The following ADAMTS6 variants were observed in gnomAD, a reference collection of about 807,000 sequenced individuals.
The protein encoded by ADAMTS6 is A disintegrin and metalloproteinase with thrombospondin motifs 6.
A neutral mutation model predicts 144.3 loss-of-function variants in ADAMTS6; 23 were observed. The ratio of observed to expected loss-of-function variants is 0.16; its 90% CI spans 0.11 to 0.23. The LOEUF (loss-of-function observed/expected upper bound fraction) is 0.23, where lower values mean the gene tolerates loss of function less well. ADAMTS6 is among the 10% of genes least tolerant of loss of function. The pLI is 1.00. For missense variants in ADAMTS6, 999 were observed against 1,379.6 expected (o/e 0.72, Z 4.37); for synonymous variants, 444 against 457.5 (o/e 0.97, Z 0.38).
chr5:65,386,644 G>A (rs948008622), intron 7 of ADAMTS6, among the ~76,000 whole-genome samples: 5 of 152,178 alleles, frequency 3.3e-5, no homozygotes, highest in African/African-American at 1.2e-4. Flanking sequence ...CCAGAGTGCA[G>A]TGGCCTGACC....
At chr5:65,462,779 A>C (rs1158839056) in intron 3 of ADAMTS6, among the ~76,000 whole-genome samples, 1 of 152,156 alleles carries the variant, frequency 6.6e-6, no homozygotes, top group Non-Finnish European at 1.5e-5. Flanking sequence ...TTTTGGTGGG[A>C]GGAGCTAGAA....
chr5:65,275,068 A>G (rs1004557168), intron 11 of ADAMTS6, among the ~76,000 whole-genome samples: 3 of 151,782 alleles, frequency 2.0e-5, no homozygotes, highest in African/African-American at 7.3e-5. Context: ...AGAAAAGAAG[A>G]GCATGGGCCA....
chr5:65,402,725 C>G (rs1465662434), intron 7 of ADAMTS6, among the ~76,000 whole-genome samples: 1 of 152,012 alleles, frequency 6.6e-6, no homozygotes, highest in African/African-American at 2.4e-5. Context: ...GATCCCTTCC[C>G]TTTAAGTCTT....
chr5:65,170,709 T>C lies in ADAMTS6; in HGVS notation c.3152A>G (p.Gln1051Arg). The C allele has an allele frequency of 6.2e-7, 1 of 1,614,178 alleles. No homozygotes were observed. The highest frequency in any genetic ancestry group is 8.5e-7 in the Non-Finnish European group (1 of 1,180,012). Residue 1051 changes from glutamine (Q) to arginine (R), a missense_variant, in exon 24 of 25, where the codon CAG becomes CGG. This residue lies in a region of ADAMTS6 where 619 missense variants were observed against 837.0 expected (regional missense o/e 0.74). Transcript: ENST00000381055. ...AGTTTCTAGACAGTCACTAGATGCC[T>C]GTCCGGTGTAGGAGAGACACTGCAC... Reference protein sequence around the residue: ...RTVQCLSYTGQASSDCLETVR... With the variant: ...RTVQCLSYTGRASSDCLETVR...
At chr5:65,217,425 G>C (rs1757010695) in intron 18 of ADAMTS6, among the ~76,000 whole-genome samples, 1 of 150,804 alleles carries the variant, frequency 6.6e-6, no homozygotes, top group African/African-American at 2.4e-5. Flanking sequence ...CCTCTTGGCT[G>C]CTAGGAATAT....
intron 4 of ADAMTS6, among the ~76,000 whole-genome samples, chr5:65,454,325 G>A (rs1253412764): frequency 6.6e-6 from 1 of 152,182 alleles, no homozygotes; most frequent in Non-Finnish European, 1.5e-5. Context: ...TTTGAGAAAT[G>A]AGGTGGAAAT....
chr5:65,184,051 T>A (rs184073199), intron 22 of ADAMTS6, among the ~76,000 whole-genome samples: 2 of 152,304 alleles, frequency 1.3e-5, no homozygotes, highest in East Asian at 3.9e-4. Context: ...TGTGGGTAAA[T>A]GCCTATTTTT....
chr5:65,368,958 A>T (rs1320398452), intron 7 of ADAMTS6, among the ~76,000 whole-genome samples: 1 of 152,216 alleles, frequency 6.6e-6, no homozygotes, highest in African/African-American at 2.4e-5. Flanking sequence ...TGGGAAGCTG[A>T]GGCAGGAGAA....
At chr5:65,419,244 C>T (rs1283487297) in intron 7 of ADAMTS6, among the ~76,000 whole-genome samples, 1 of 152,108 alleles carries the variant, frequency 6.6e-6, no homozygotes. Flanking sequence ...ATGTCCTTTG[C>T]AGCAACATGA....
intron 24 of ADAMTS6, among the ~76,000 whole-genome samples, chr5:65,154,677 G>C (rs1355660879): frequency 6.6e-6 from 1 of 152,192 alleles, no homozygotes; most frequent in Non-Finnish European, 1.5e-5. Context: ...CTATGATAAG[G>C]TCTGCTCATA....
intron 7 of ADAMTS6, among the ~76,000 whole-genome samples, chr5:65,391,534 A>G (rs901456330): frequency 1.3e-5 from 2 of 151,994 alleles, no homozygotes; most frequent in African/African-American, 4.8e-5. Context: ...CACTTAATGC[A>G]TACCTTAATG....
At chr5:65,460,383 A>G in intron 3 of ADAMTS6, 45 bp from the exon 4 acceptor site, 1 of 1,510,304 alleles carries the variant, frequency 6.6e-7, no homozygotes, top group South Asian at 1.3e-5. Flanking sequence ...GAATCATTTT[A>G]AATATTAGTT....
chr5:65,261,525 T>C (rs1276572588), intron 13 of ADAMTS6, among the ~76,000 whole-genome samples: 2 of 152,214 alleles, frequency 1.3e-5, no homozygotes, highest in Non-Finnish European at 2.9e-5. Flanking sequence ...ATTCTGTAAT[T>C]TTTTTAAAAA....
chr5:65,378,553 C>A (rs530844748), intron 7 of ADAMTS6, among the ~76,000 whole-genome samples: 1 of 152,258 alleles, frequency 6.6e-6, no homozygotes, highest in South Asian at 2.1e-4. Flanking sequence ...AAAAACTCCT[C>A]CAGTTTCATT....
chr5:65,260,318 G>C (rs1186032907), intron 14 of ADAMTS6, among the ~76,000 whole-genome samples: 2 of 149,872 alleles, frequency 1.3e-5, no homozygotes, highest in Non-Finnish European at 2.9e-5. Flanking sequence ...TAGTGGTGTT[G>C]AAGTTGTGAG....
chr5:65,243,261 T>C (rs1202036049), intron 14 of ADAMTS6, among the ~76,000 whole-genome samples: 4 of 152,152 alleles, frequency 2.6e-5, no homozygotes. Context: ...TTTTGAGGCT[T>C]TTTACTACCC....
At chr5:65,213,568 G>A (rs1756681148) in intron 20 of ADAMTS6, among the ~76,000 whole-genome samples, 1 of 151,854 alleles carries the variant, frequency 6.6e-6, no homozygotes. Context: ...CCAGGAGGTT[G>A]AGGCTGCAGT....
chr5:65,297,859 T>C (rs1742992971), intron 10 of ADAMTS6, among the ~76,000 whole-genome samples: 1 of 152,188 alleles, frequency 6.6e-6, no homozygotes, highest in South Asian at 2.1e-4. Context: ...GCTTCACATC[T>C]ATCTTTCATT....
chr5:65,168,311 G>A (rs1753341318), intron 24 of ADAMTS6, among the ~76,000 whole-genome samples: 1 of 152,022 alleles, frequency 6.6e-6, no homozygotes, highest in Non-Finnish European at 1.5e-5. Flanking sequence ...AAAATACCTA[G>A]GAATGCAACT....
Sources: allele counts gnomAD v4.1 joint callset (sites outside exome capture counted in the v4.1 genomes callset), GRCh38; gene constraint gnomAD v4.1.1; regional missense constraint gnomAD v4.1.1; transcripts MANE v1.5; gene names NCBI Gene and HGNC (gene_info 2026-07-23, HGNC 2026-07-21).